Variants in ZNF687 observed in about 807,000 individuals in gnomAD.
ZNF687 encodes the protein zinc finger protein 687.
In ZNF687, 13 loss-of-function variants were observed where a neutral mutation model predicts 71.8. The ratio of observed to expected loss-of-function variants is 0.18; its 90% CI spans 0.12 to 0.29. ZNF687 has a LOEUF of 0.29. ZNF687 is among the 10% of genes least tolerant of loss of function. The pLI, the probability that ZNF687 is intolerant of heterozygous loss-of-function variation, is 1.00. For synonymous variants in ZNF687, 673 were observed against 641.6 expected, an observed-to-expected ratio of 1.05 and a Z score of -0.74; for missense variants, 1,412 against 1,625.6, an observed-to-expected ratio of 0.87 and a Z score of 2.26.
Position 151,287,475 on chromosome 1 carries a change from G to C in ZNF687, c.1184G>C (p.Arg395Thr). The change falls in exon 2 of 9, where the codon AGG becomes ACG. Residue 395 changes from arginine (R) to threonine (T), a missense_variant. Transcript: ENST00000336715. This position sits in a 1 kb window ranked among gnomAD's most constrained non-coding sequence, Gnocchi z 5.0. ...AGCGTACAGTTGGGTGATGGTACAA[G>C]GCTGAAAGGCACTGTGCTGCCTGTG... ...VVSVQLGDGT[R>T]LKGTVLPVAT... is the part of the protein sequence containing the mutation. 6.2e-7 allele frequency: 1 copy of C among 1,614,156 alleles called. No individual in the cohort carries two copies.
Position 151,287,089 on chromosome 1 carries a change from T to G in ZNF687, c.798T>G (p.Ser266=). 2 of 1,613,840 alleles carry G rather than the reference T, an allele frequency of 1.2e-6. No homozygotes were observed. Among genetic ancestry groups the G allele is most frequent in the African/African-American group, 2.7e-5 (2 of 74,988 alleles). The stretch of plus-strand genomic sequence containing the variant: ...CTGGGGTGCCCTTCTTCAAGCAGTC[T>G]CCAGGGCACCAGAGCCCTCTTGCCT... The part of the protein sequence containing the change: ...PVAGVPFFKQ[S]PGHQSPLASP... The change falls in exon 2 of 9, where the codon TCT becomes TCG. Residue 266 remains serine (S), a synonymous_variant. Transcript: ENST00000336715. This position sits in a 1 kb window ranked among gnomAD's most constrained non-coding sequence, Gnocchi z 5.0.
Position 151,288,378 on chromosome 1 carries a change from G to C in ZNF687, c.2087G>C (p.Gly696Ala), listed in dbSNP as rs776176469. ...AGMAAHFQQL[G>A]PPAPGATSNV... ...ATGGCAGCTCACTTCCAGCAGCTCGGCCCCCCTGCCCCTGGGGCCACCAGC... is the reference window on the plus strand; with the variant it reads ...ATGGCAGCTCACTTCCAGCAGCTCGCCCCCCCTGCCCCTGGGGCCACCAGC... The change falls in exon 2 of 9, where the codon GGC becomes GCC. Residue 696 changes from glycine (G) to alanine (A), a missense_variant. Gly to Ala is a moderately conservative substitution (Grantham distance 60, BLOSUM62 0). Transcript: ENST00000336715. The C allele has an allele frequency of 6.2e-7, 1 of 1,606,396 alleles. No individual in the cohort carries two copies. The highest frequency in any genetic ancestry group is 1.1e-5 in the South Asian group (1 of 90,906).
chr1:151,290,118 C>G lies in ZNF687; in HGVS notation c.2965-4C>G. On this transcript the variant is annotated splice_polypyrimidine_tract_variant and splice_region_variant and intron_variant, in intron 6 of 8. Transcript: ENST00000336715. ...GGCTCTGACATCTACCCCTGCTCTC[C>G]TAGTCAGTGAAAAAGTTCCCCTGTC... 1 of 1,614,026 alleles carries G rather than the reference C, an allele frequency of 6.2e-7. No individual in the cohort carries two copies. Among genetic ancestry groups the G allele is most frequent in the Non-Finnish European group, 8.5e-7 (1 of 1,179,990 alleles).
At chr1:151,288,784 C>T (rs1473836955) in intron 3 of ZNF687, 78 bp downstream of exon 3, 4 of 1,443,962 alleles carry the variant, frequency 2.8e-6, no homozygotes, top group East Asian at 4.6e-5. Flanking sequence ...TTTCAAGATC[C>T]CCTATCTTCC....
chr1:151,291,353 G>T lies in ZNF687; in HGVS notation c.*144G>T, dbSNP rs1557776773. ...TCCAACCTGAAGAAGAAGAGCATTT[G>T]AGGATTATTCTAGTTATTTGCAACC... On this transcript the variant is annotated 3_prime_UTR_variant, in exon 9 of 9. Transcript: ENST00000336715. 1 of 1,191,904 alleles carries T rather than the reference G, an allele frequency of 8.4e-7. No homozygotes were observed. Among genetic ancestry groups the T allele is most frequent in the Non-Finnish European group, 1.1e-6 (1 of 877,738 alleles). 73.8% of individuals were successfully genotyped at this position (1,191,904 alleles called of 1,614,324 possible).
Position 151,291,254 on chromosome 1 carries a change from G to A in ZNF687, c.*45G>A, listed in dbSNP as rs747605087. 8 of 1,546,988 alleles carry A rather than the reference G, an allele frequency of 5.2e-6. No homozygotes were observed. Among genetic ancestry groups the A allele is most frequent in the Non-Finnish European group, 7.0e-6 (8 of 1,146,346 alleles). ...ACCAGCCCCTTCCTCTTGGAGCCTGGTTTTCCCTACTGCTGCCTGATCCCT... is the reference window on the plus strand; with the variant it reads ...ACCAGCCCCTTCCTCTTGGAGCCTGATTTTCCCTACTGCTGCCTGATCCCT... On this transcript the variant is annotated 3_prime_UTR_variant, in exon 9 of 9. Transcript: ENST00000336715.
chr1:151,289,450 G>A lies in ZNF687; in HGVS notation c.2544G>A (p.Gln848=), dbSNP rs1219297744. Residue 848 remains glutamine, a synonymous_variant, in exon 5 of 9, where the codon CAG becomes CAA. Transcript: ENST00000336715. ...CCCTCCTCTCCTCACACTTCGACCAGCACTTGCTGCCCCAGCGTGTCAGTG... is the reference window on the plus strand; with the variant it reads ...CCCTCCTCTCCTCACACTTCGACCAACACTTGCTGCCCCAGCGTGTCAGTG... ...HKPLLSSHFD[Q]HLLPQRVSVF... The A allele has an allele frequency of 1.2e-6, 2 of 1,614,016 alleles. No homozygotes were observed. The highest frequency in any genetic ancestry group is 2.2e-5 in the East Asian group (1 of 44,894).
At chr1:151,288,490 A>T in intron 2 of ZNF687, 38 bp from the exon 3 acceptor site, 1 of 1,578,916 alleles carries the variant, frequency 6.3e-7, no homozygotes, top group Middle Eastern at 1.7e-4. Context: ...GAGACAGGAC[A>T]CTCCTCACCG....
At chr1:151,282,506 C>A in intron 1 of ZNF687, 111 bp downstream of exon 1, 1 of 825,516 alleles carries the variant, frequency 1.2e-6, no homozygotes, top group Non-Finnish European at 1.5e-6. Flanking sequence ...TCCGCGCCGC[C>A]CCCTGGGGCG....
In ZNF687 at chr1:151,287,708, G is replaced by T; in HGVS notation, c.1417G>T (p.Val473Leu). The T allele has an allele frequency of 6.2e-7, 1 of 1,613,702 alleles. No individual in the cohort carries two copies. Among genetic ancestry groups the T allele is most frequent in the Non-Finnish European group, 8.5e-7 (1 of 1,179,856 alleles). Residue 473 changes from valine (V) to leucine (L), a missense_variant, in exon 2 of 9, where the codon GTG becomes TTG. Coordinates refer to ENST00000336715, the MANE Select transcript of ZNF687 (RefSeq NM_020832.3). This position sits in a 1 kb window ranked among gnomAD's most constrained non-coding sequence, Gnocchi z 5.0. ...QKVNGASVVM[V>L]QPSKTATGPS... is the part of the protein sequence containing the mutation. The stretch of plus-strand genomic sequence containing the variant: ...GGTGAATGGTGCCTCGGTGGTGATG[G>T]TGCAACCTTCAAAGACAGCTACTGG...
In ZNF687 at chr1:151,283,439, C is replaced by T. The variant is rs1187385758; in HGVS notation, c.-18+1044C>T. On this transcript the variant is annotated intron_variant, in intron 1 of 8. Transcript: ENST00000336715. ...AGATAGGAGCCCTAGAGACAGGGCTCAGCAGTCGCAGGAAGGCCTGATCCT... is the reference window on the plus strand; with the variant it reads ...AGATAGGAGCCCTAGAGACAGGGCTTAGCAGTCGCAGGAAGGCCTGATCCT... 16 of 436,638 alleles carry T rather than the reference C, an allele frequency of 3.7e-5. No homozygotes were observed. The Admixed American group carries it at 1.0e-3, about 28-fold the overall frequency. 27.0% of individuals were successfully genotyped at this position (436,638 alleles called of 1,614,324 possible).
At chr1:151,290,645 G>A in intron 8 of ZNF687, 70 bp from the exon 9 acceptor site, 1 of 1,580,592 alleles carries the variant, frequency 6.3e-7, no homozygotes, top group Non-Finnish European at 8.6e-7. Context: ...ATGGCCTCAG[G>A]AAGCGAGCAT....
rs769213718 is a variant in ZNF687 at position 151,287,564 on chromosome 1, G to A, written c.1273G>A (p.Val425Met). The A allele has an allele frequency of 3.8e-5, 61 of 1,613,958 alleles. No individual in the cohort carries two copies. Among genetic ancestry groups the A allele is most frequent in the East Asian group, 2.5e-4 (11 of 44,886 alleles). Residue 425 changes from valine (V) to methionine (M), a missense_variant, in exon 2 of 9, where the codon GTG becomes ATG. This residue lies in a region of ZNF687 where 133 missense variants were observed against 155.1 expected (regional missense o/e 0.86). Transcript: ENST00000336715. This position sits in a 1 kb window ranked among gnomAD's most constrained non-coding sequence, Gnocchi z 5.0. Reference protein sequence around the residue: ...MAASVARKAVVLPGGTATSPK... With the variant: ...MAASVARKAVMLPGGTATSPK... ...AGCCAGTGTGGCTCGCAAGGCTGTG[G>A]TGCTGCCTGGGGGGACTGCCACCAG...
chr1:151,283,902 T>C lies in ZNF687; in HGVS notation c.-18+1507T>C, dbSNP rs937898642. 3 of 985,016 alleles carry C rather than the reference T, an allele frequency of 3.0e-6. No homozygotes were observed. The African/African-American group carries it at 5.3e-5, about 17-fold the overall frequency. The allele number at this position is 985,016 out of a possible 1,614,324, so 61.0% of individuals were successfully genotyped here. ...AGAGGTGGGAGAGCTGGCTGGGAAA[T>C]GGCCTGCAACCTGGGCAGGGAATGG... On this transcript the variant is annotated intron_variant, in intron 1 of 8. Transcript: ENST00000336715.
chr1:151,289,286 A>G lies in ZNF687; in HGVS notation c.2471+15A>G. On this transcript the variant is annotated intron_variant, in intron 4 of 8. Coordinates refer to ENST00000336715, the MANE Select transcript of ZNF687 (RefSeq NM_020832.3). ...CAGCAGGCCAAGTGAGGCCCGGGGG[A>G]GGGCCGGGCTGGGCCAGGGAGGGCT... The G allele has an allele frequency of 6.2e-7, 1 of 1,612,792 alleles. No homozygotes were observed. Among genetic ancestry groups the G allele is most frequent in the Non-Finnish European group, 8.5e-7 (1 of 1,179,210 alleles).
Position 151,290,247 on chromosome 1 carries a change from C to T in ZNF687, c.3077+13C>T. On this transcript the variant is annotated intron_variant, in intron 7 of 8. Transcript: ENST00000336715. The stretch of plus-strand genomic sequence containing the variant: ...TTTACCCCTGCAGGTAAGTCTTGCT[C>T]CCCGCTTCCTCTTCCTGCCCAGCAC... 6.2e-7 allele frequency: 1 copy of T among 1,613,344 alleles called. No individual in the cohort carries two copies. Among genetic ancestry groups the T allele is most frequent in the Non-Finnish European group, 8.5e-7 (1 of 1,179,550 alleles).
At chr1:151,285,489 C>A (rs1277057284) in intron 1 of ZNF687, 1 of 151,962 alleles carries the variant, frequency 6.6e-6, no homozygotes, top group Non-Finnish European at 1.5e-5. Context: ...TCTCAGCTCA[C>A]TGCAAACTCC....
Position 151,288,352 on chromosome 1 carries a change from C to A in ZNF687, c.2061C>A (p.Gly687=), listed in dbSNP as rs1264364546. The change falls in exon 2 of 9, where the codon GGC becomes GGA. Residue 687 remains glycine, a synonymous_variant. Coordinates refer to ENST00000336715, the MANE Select transcript of ZNF687 (RefSeq NM_020832.3). The part of the protein sequence containing the change: ...ECKEQCRDKA[G]MAAHFQQLGP... ...AGGAACAGTGCCGGGACAAGGCTGG[C>A]ATGGCAGCTCACTTCCAGCAGCTCG... The A allele has an allele frequency of 7.5e-6, 12 of 1,610,070 alleles. No homozygotes were observed. The highest frequency in any genetic ancestry group is 1.0e-5 in the Non-Finnish European group (12 of 1,179,690).
At position 151,287,098 on chromosome 1, in the gene ZNF687, C is replaced by A; in HGVS notation, c.807C>A (p.His269Gln). The A allele has an allele frequency of 6.2e-7, 1 of 1,613,988 alleles. No individual in the cohort carries two copies. The highest frequency in any genetic ancestry group is 1.3e-5 in the African/African-American group (1 of 75,038). Reference sequence around the variant, plus strand: ...CCTTCTTCAAGCAGTCTCCAGGGCACCAGAGCCCTCTTGCCTCCCCCAAAG... The same window carrying A: ...CCTTCTTCAAGCAGTCTCCAGGGCAACAGAGCCCTCTTGCCTCCCCCAAAG... ...GVPFFKQSPG[H>Q]QSPLASPKVP... The change falls in exon 2 of 9, where the codon CAC becomes CAA. Residue 269 changes from histidine (H) to glutamine (Q), a missense_variant. Transcript: ENST00000336715. The surrounding 1 kb of genome is among the most constrained non-coding windows in gnomAD (Gnocchi z 5.0).
Sources: allele counts gnomAD v4.1 joint callset, GRCh38; gene constraint gnomAD v4.1.1; regional missense constraint gnomAD v4.1.1; non-coding constraint Gnocchi (gnomAD v3.1); transcripts MANE v1.5; gene names NCBI Gene and HGNC (gene_info 2026-07-23, HGNC 2026-07-21).